SOAT1: variants seen among roughly 807,000 people sequenced by gnomAD.
The protein encoded by SOAT1 is acyl-coenzyme A:cholesterol acyltransferase 1.
SOAT1 carries 55 observed loss-of-function variants against 69.5 expected under a neutral mutation model. The ratio of observed to expected loss-of-function variants is 0.79; its 90% CI spans 0.64 to 0.99. The LOEUF is 0.99. Among genes scored for constraint, SOAT1 ranks in the 50% least tolerant of loss-of-function variants. SOAT1 has a pLI of 0.00. For missense variants in SOAT1, 580 were observed against 669.3 expected, an observed-to-expected ratio of 0.87 and a Z score of 1.47; for synonymous variants, 231 against 224.7, an observed-to-expected ratio of 1.03 and a Z score of -0.25.
chr1:179,335,397 T>C, intron 3 of SOAT1, 109 bp from the exon 4 acceptor site: 1 of 956,142 alleles, frequency 1.0e-6, no homozygotes. Context: ...GCGAACTCAC[T>C]ATGTCTTTCT....
At chr1:179,347,463 C>G (rs1666574091) in intron 11 of SOAT1, 137 bp from the exon 12 acceptor site, 1 of 556,422 alleles carries the variant, frequency 1.8e-6, no homozygotes. Flanking sequence ...AGTATATCAT[C>G]TCTGGAATGG....
At chr1:179,334,259 T>C (rs998116562) in intron 3 of SOAT1, among the ~76,000 whole-genome samples, 1 of 152,178 alleles carries the variant, frequency 6.6e-6, no homozygotes, top group Non-Finnish European at 1.5e-5. Context: ...TGTAAAATTA[T>C]GTTACGTTTG....
intron 1 of SOAT1, among the ~76,000 whole-genome samples, chr1:179,299,103 G>A (rs2124930187): frequency 6.6e-6 from 1 of 152,270 alleles, no homozygotes; most frequent in East Asian, 1.9e-4. Flanking sequence ...TGTAACATGT[G>A]ACAGGATGCT....
intron 3 of SOAT1, among the ~76,000 whole-genome samples, chr1:179,327,293 A>G (rs1438486799): frequency 6.6e-6 from 1 of 152,192 alleles, no homozygotes; most frequent in Non-Finnish European, 1.5e-5. Context: ...AATGCAAGTT[A>G]GGAATCTTTC....
chr1:179,353,886 C>T lies in SOAT1; in HGVS notation c.*245C>T, dbSNP rs527308479. 2.1e-6 allele frequency: 1 copy of T among 483,182 alleles called. No individual in the cohort carries two copies. The highest frequency in any genetic ancestry group is 2.0e-5 in the African/African-American group (1 of 49,770). 29.9% of individuals were successfully genotyped at this position (483,182 alleles called of 1,614,324 possible). ...GTGGGGGGAGAAGACCGACTAACAG[C>T]TGAAGTAATGACAGATTGTTGCTGG... On this transcript the variant is annotated 3_prime_UTR_variant, in exon 16 of 16. Transcript: ENST00000367619.
chr1:179,321,793 A>AT (rs959949019), intron 2 of SOAT1, among the ~76,000 whole-genome samples: 50 of 150,920 alleles, frequency 3.3e-4, no homozygotes, highest in South Asian at 1.1e-3. Context: ...TGAAACTTCA[A>AT]TTTTTTTTTG....
At chr1:179,322,945 T>C (rs541788681) in intron 2 of SOAT1, among the ~76,000 whole-genome samples, 56 of 152,336 alleles carry the variant, frequency 3.7e-4, no homozygotes, top group Middle Eastern at 3.4e-3. Context: ...GCAAAAATAC[T>C]GTACCCTGTG....
At chr1:179,353,156 CTAATA>C (rs1261640196) in intron 15 of SOAT1, among the ~76,000 whole-genome samples, 1 of 55,072 alleles carries the variant, frequency 1.8e-5, no homozygotes, top group Non-Finnish European at 3.7e-5. Flanking sequence ...TATATATTAA[CTAATA>C]TATACTAATA....
chr1:179,323,407 C>T (rs1665674154), intron 2 of SOAT1, 30 bp from the exon 3 acceptor site: 1 of 1,603,504 alleles, frequency 6.2e-7, no homozygotes, highest in African/African-American at 1.3e-5. Context: ...TATCCATCAA[C>T]TTAAAAGTCA....
intron 14 of SOAT1, among the ~76,000 whole-genome samples, chr1:179,351,091 T>C (rs1666714552): frequency 6.8e-6 from 1 of 146,684 alleles, no homozygotes; most frequent in Non-Finnish European, 1.5e-5. Flanking sequence ...TGACCCAGGC[T>C]GGAGAGCAGT....
intron 2 of SOAT1, among the ~76,000 whole-genome samples, chr1:179,312,838 T>A (rs1215264669): frequency 6.6e-6 from 1 of 152,226 alleles, no homozygotes; most frequent in Non-Finnish European, 1.5e-5. Context: ...TTCCTGATGT[T>A]TATTACTAGC....
intron 11 of SOAT1, among the ~76,000 whole-genome samples, chr1:179,347,316 C>T (rs946539284): frequency 3.5e-5 from 5 of 143,114 alleles, no homozygotes; most frequent in Non-Finnish European, 7.5e-5. Flanking sequence ...CGAGATCGCG[C>T]CACTGCACTC....
At chr1:179,341,827 C>A (rs1253263804) in intron 7 of SOAT1, among the ~76,000 whole-genome samples, 1 of 152,204 alleles carries the variant, frequency 6.6e-6, no homozygotes, top group Non-Finnish European at 1.5e-5. Context: ...GCCACCGCGC[C>A]CGGCCACATT....
At chr1:179,308,323 A>G (rs551778564) in intron 2 of SOAT1, among the ~76,000 whole-genome samples, 1 of 152,290 alleles carries the variant, frequency 6.6e-6, no homozygotes, top group African/African-American at 2.4e-5. Context: ...TACACAGTTG[A>G]TACAGATGTG....
intron 1 of SOAT1, among the ~76,000 whole-genome samples, chr1:179,300,511 C>T (rs551648678): frequency 2.6e-4 from 39 of 152,212 alleles, no homozygotes; most frequent in African/African-American, 8.7e-4. Flanking sequence ...ACAATTGTTT[C>T]ATTTGTTTGA....
At chr1:179,323,045 C>CTTTTTTTTTTTTTTTTTTTT (rs36045111) in intron 2 of SOAT1, among the ~76,000 whole-genome samples, 8 of 126,724 alleles carry the variant, frequency 6.3e-5, no homozygotes, top group Non-Finnish European at 9.7e-5. Context: ...TCTTTTCTTT[C>CTTTTTTTTTTTTTTTTTTTT]TTTTTTTTTT....
chr1:179,355,167 A>G lies in SOAT1; in HGVS notation c.*1526A>G, dbSNP rs1666868043. 1 of 152,206 alleles carries G rather than the reference A, an allele frequency of 6.6e-6. No individual in the cohort carries two copies. Among genetic ancestry groups the G allele is most frequent in the Admixed American group, 6.5e-5 (1 of 15,270 alleles). The allele number at this position is 152,206 out of a possible 1,614,324, so 9.4% of individuals were successfully genotyped here. ...AATACACTCAAGGGAAGTTATTTTT[A>G]AAAAGGTACTCTGCATGTTCCCGCA... On this transcript the variant is annotated 3_prime_UTR_variant, in exon 16 of 16. Coordinates refer to ENST00000367619, the MANE Select transcript of SOAT1 (RefSeq NM_003101.6).
intron 2 of SOAT1, among the ~76,000 whole-genome samples, chr1:179,304,364 G>C (rs1239866757): frequency 6.7e-6 from 1 of 149,238 alleles, no homozygotes; most frequent in African/African-American, 2.5e-5. Flanking sequence ...TGCAACCTCT[G>C]CCTTCTGGGT....
chr1:179,314,063 A>G (rs1459612483), intron 2 of SOAT1, among the ~76,000 whole-genome samples: 1 of 152,348 alleles, frequency 6.6e-6, no homozygotes, highest in Non-Finnish European at 1.5e-5. Context: ...ACAAGTCTTC[A>G]TGCTTCATTC....
Sources: gnomAD v4.1 joint callset for allele counts (sites outside exome capture counted in the v4.1 genomes callset) on GRCh38, gnomAD v4.1.1 for gene constraint, MANE v1.5 for transcripts, NCBI Gene and HGNC (gene_info 2026-07-23, HGNC 2026-07-21) for gene names.